SLC22A31: variants seen among roughly 807,000 people sequenced by gnomAD.
SLC22A31 encodes the protein putative solute carrier family 22 member 31.
Under a neutral mutation model 27.4 loss-of-function variants are expected in SLC22A31, and 42 were observed. That is an observed-to-expected ratio of 1.53 (90% confidence interval 1.20 to 1.98). SLC22A31 has a LOEUF of 1.98. SLC22A31 is among the 30% of genes most tolerant of loss of function. The pLI is 0.00. For synonymous variants in SLC22A31, 290 were observed against 230.8 expected, an observed-to-expected ratio of 1.26 and a Z score of -2.33; for missense variants, 593 against 479.9, an observed-to-expected ratio of 1.24 and a Z score of -2.20.
In SLC22A31 at chr16:89,198,822, C is replaced by T. The variant is rs751372423; in HGVS notation, c.453-25G>A. 1.7e-4 allele frequency: 256 copies of T among 1,518,154 alleles called. 2 individuals are homozygous for T. Among genetic ancestry groups the T allele is most frequent in the Non-Finnish European group, 2.1e-4 (236 of 1,133,756 alleles). 94.0% of individuals were successfully genotyped at this position (1,518,154 alleles called of 1,614,324 possible). A position where few individuals can be genotyped will look rare whatever the true frequency, so the allele number is the denominator to read the frequency against. On this transcript the variant is annotated intron_variant, in intron 4 of 8. Transcript: ENST00000682282. Reference sequence around the variant, plus strand: ...CCTGCAGCGTTGGTGAGGATGCCCACGGCTCCCTCCACCTCCTCCTGGAAG... The same window carrying T: ...CCTGCAGCGTTGGTGAGGATGCCCATGGCTCCCTCCACCTCCTCCTGGAAG...
At chr16:89,201,174 G>A, upstream of SLC22A31, 1 of 378,096 alleles carries the variant, frequency 2.6e-6, no homozygotes, top group African/African-American at 2.1e-5. Flanking sequence ...CCGGGTCAGA[G>A]GCGCCAGGTA....
In SLC22A31 at chr16:89,196,008, C is replaced by T; in HGVS notation, c.1332G>A (p.Glu444=). The T allele has an allele frequency of 6.6e-7, 1 of 1,508,544 alleles. No homozygotes were observed. Among genetic ancestry groups the T allele is most frequent in the Non-Finnish European group, 8.8e-7 (1 of 1,133,490 alleles). 93.4% of individuals were successfully genotyped at this position (1,508,544 alleles called of 1,614,324 possible). A position where few individuals can be genotyped will look rare whatever the true frequency, so the allele number is the denominator to read the frequency against. Reference sequence around the variant, plus strand: ...GGGCCACCAGGCAGGACTAGTGCTGCTCGGGGGTGTGGCCGGCCCAGTAGG... The same window carrying T: ...GGGCCACCAGGCAGGACTAGTGCTGTTCGGGGGTGTGGCCGGCCCAGTAGG... ...SNSYWAGHTP[E]QH is the part of the protein sequence containing the mutation. The change falls in exon 9 of 9, where the codon GAG becomes GAA. Residue 444 remains glutamate (E), a synonymous_variant. Coordinates refer to ENST00000682282, the MANE Select transcript of SLC22A31 (RefSeq NM_001384763.1).
chr16:89,197,320 C>T lies in SLC22A31; in HGVS notation c.1012G>A (p.Glu338Lys), dbSNP rs757216093. The T allele has an allele frequency of 1.7e-4, 265 of 1,535,750 alleles. 2 individuals are homozygous for T. The highest frequency in any genetic ancestry group is 8.8e-4 in the Admixed American group (45 of 50,986). ...VSALSSLFAA[E>K]VFPTVIRGAG... ...CACCTGATCACCGTGGGGAAGACCT[C>T]GGCCGCGAAGAGGCTGCTGAGTGCG... The change falls in exon 8 of 9, where the codon GAG becomes AAG. Residue 338 changes from glutamate (E) to lysine (K), a missense_variant. Coordinates refer to ENST00000682282, the MANE Select transcript of SLC22A31 (RefSeq NM_001384763.1).
intron 8 of SLC22A31, among the ~76,000 whole-genome samples, chr16:89,196,936 C>G (rs549301664): frequency 6.7e-6 from 1 of 148,194 alleles, no homozygotes; most frequent in African/African-American, 2.5e-5. Flanking sequence ...CAGAGCGAGA[C>G]TCCATCTCAA....
At chr16:89,198,940 C>T (rs1007815202) in intron 4 of SLC22A31, 83 bp downstream of exon 4, 6 of 1,496,322 alleles carry the variant, frequency 4.0e-6, no homozygotes, top group Non-Finnish European at 5.4e-6. Flanking sequence ...ATGCGTTTAC[C>T]TGGCATGGGA....
intron 1 of SLC22A31, chr16:89,200,211 G>A (rs759476683): frequency 5.3e-5 from 9 of 168,570 alleles, no homozygotes; most frequent in Non-Finnish European, 8.8e-5. Flanking sequence ...CACCCCAGCC[G>A]GCCAAGGGTC....
chr16:89,198,510 G>A lies in SLC22A31; in HGVS notation c.639C>T (p.Tyr213=). The A allele has an allele frequency of 6.6e-7, 1 of 1,514,350 alleles. No individual in the cohort carries two copies. Among genetic ancestry groups the A allele is most frequent in the Non-Finnish European group, 8.8e-7 (1 of 1,134,448 alleles). 93.8% of individuals were successfully genotyped at this position (1,514,350 alleles called of 1,614,324 possible). The change falls in exon 6 of 9, where the codon TAC becomes TAT. Residue 213 remains tyrosine (Y), a synonymous_variant. Coordinates refer to ENST00000682282, the MANE Select transcript of SLC22A31 (RefSeq NM_001384763.1). ...MLSARSPQPR[Y]HSPLGLLRTR... is the part of the protein sequence containing the mutation. ...TACGCAGAAGCCCCAGTGGGGAGTG[G>A]TACCGGGGCTGGGGGCTCCGTGCAG... is the stretch of plus-strand genomic sequence containing the variant.
chr16:89,196,833 C>T lies in SLC22A31; in HGVS notation c.1034+465G>A, dbSNP rs551335081. 3.1e-4 allele frequency among the ~76,000 whole-genome samples: 47 copies of T among 151,932 alleles called. 1 individual carries two copies. The highest frequency in any genetic ancestry group is 1.1e-3 in the African/African-American group (46 of 41,434). Reference sequence around the variant, plus strand: ...TGGTGGTGGGTGCCTGTAATCCCAGCTACTCAGGAGGCTGAGGCAGGAGAA... The same window carrying T: ...TGGTGGTGGGTGCCTGTAATCCCAGTTACTCAGGAGGCTGAGGCAGGAGAA... On this transcript the variant is annotated intron_variant, in intron 8 of 8. Coordinates refer to ENST00000682282, the MANE Select transcript of SLC22A31 (RefSeq NM_001384763.1).
rs1293079544 is a variant in SLC22A31 at position 89,196,140 on chromosome 16, G to A, written c.1200C>T (p.Ser400=). 6.5e-7 allele frequency: 1 copy of A among 1,534,982 alleles called. No individual in the cohort carries two copies. The highest frequency in any genetic ancestry group is 2.4e-5 in the East Asian group (1 of 40,898). The change falls in exon 9 of 9, where the codon AGC becomes AGT. Residue 400 remains serine, a synonymous_variant. Coordinates refer to ENST00000682282, the MANE Select transcript of SLC22A31 (RefSeq NM_001384763.1). The part of the protein sequence containing the change: ...LCVLLLPESR[S]RGLPQSLQDA... ...CCTGCAGTGACTGGGGCAGCCCCCG[G>A]CTTCGGCTCTCAGGCAGCAGCAGGA...
At position 89,199,131 on chromosome 16, in the gene SLC22A31, G is replaced by A. The variant is rs556056281; in HGVS notation, c.344C>T (p.Ser115Leu). 6.5e-6 allele frequency: 10 copies of A among 1,535,332 alleles called. No individual in the cohort carries two copies. In the Admixed American group the frequency reaches 7.9e-5, roughly 12 times the overall value. The stretch of plus-strand genomic sequence containing the variant: ...GGGCAGCAGCAGGGTGCCCACCACC[G>A]AGAAAAGGCCAGCCCCCATGGAGAA... Reference protein sequence around the residue: ...LAFSMGAGLFSVVGTLLLPGL... With the variant: ...LAFSMGAGLFLVVGTLLLPGL... The change falls in exon 4 of 9, where the codon TCG becomes TTG. Residue 115 changes from serine to leucine, a missense_variant. By Grantham distance (145) the Ser-to-Leu change is moderately radical. Coordinates refer to ENST00000682282, the MANE Select transcript of SLC22A31 (RefSeq NM_001384763.1).
At chr16:89,197,238 C>A in intron 8 of SLC22A31, 60 bp downstream of exon 8, 1 of 1,349,328 alleles carries the variant, frequency 7.4e-7, no homozygotes, top group South Asian at 1.3e-5. Context: ...TCCACCTGGC[C>A]CCTCCTCCCC....
chr16:89,196,512 T>A, intron 8 of SLC22A31: 2 of 872,390 alleles, frequency 2.3e-6, no homozygotes, highest in Non-Finnish European at 3.4e-6. Flanking sequence ...GGCAACAGAT[T>A]GGGGGACACA....
chr16:89,198,268 A>T lies in SLC22A31; in HGVS notation c.776T>A (p.Leu259Gln). The T allele has an allele frequency of 6.5e-7, 1 of 1,535,942 alleles. No individual in the cohort carries two copies. The highest frequency in any genetic ancestry group is 8.7e-7 in the Non-Finnish European group (1 of 1,146,896). The change falls in exon 7 of 9, where the codon CTG becomes CAG. Residue 259 changes from leucine to glutamine, a missense_variant. By Grantham distance (113) the Leu-to-Gln change is moderately radical. Coordinates refer to ENST00000682282, the MANE Select transcript of SLC22A31 (RefSeq NM_001384763.1). ...SLAPQVPTFY[L>Q]PYFLEAGLEA... The stretch of plus-strand genomic sequence containing the variant: ...CAGGCCGGCCTCCAGGAAGTAGGGC[A>T]GGTAGAAGGTCGGCACCTGAGGTGC...
rs1458564389 is a variant in SLC22A31, at chr16:89,198,654, G to A, written c.596C>T (p.Thr199Ile). 6.5e-7 allele frequency: 1 copy of A among 1,535,328 alleles called. No homozygotes were observed. Among genetic ancestry groups the A allele is most frequent in the Non-Finnish European group, 8.7e-7 (1 of 1,146,566 alleles). Reference protein sequence around the residue: ...DSSLEENSLATELTMLSARSP... With the variant: ...DSSLEENSLAIELTMLSARSP... ...CTCCTCCCTGGTAGGCGCCTGACCT[G>A]TAGCCAGGGAGTTCTCCTCCAAGGA... Residue 199 changes from threonine to isoleucine, a missense_variant and splice_region_variant, in exon 5 of 9, where the codon ACA (threonine) becomes ATA (isoleucine). Physicochemically the swap from Thr to Ile is moderately conservative, Grantham distance 89 (BLOSUM62 -1). Coordinates refer to ENST00000682282, the MANE Select transcript of SLC22A31 (RefSeq NM_001384763.1).
Position 89,196,100 on chromosome 16 carries a change from G to A in SLC22A31, c.1240C>T (p.Arg414Cys), listed in dbSNP as rs983105298. 23 of 1,533,792 alleles carry A rather than the reference G, an allele frequency of 1.5e-5. No individual in the cohort carries two copies. Among genetic ancestry groups the A allele is most frequent in the Admixed American group, 3.9e-5 (2 of 50,966 alleles). Reference sequence around the variant, plus strand: ...CGGCCCCGCAGGAGTGGGGAGCGGCGCAGGCGGTCGGCGTCCTGCAGTGAC... The same window carrying A: ...CGGCCCCGCAGGAGTGGGGAGCGGCACAGGCGGTCGGCGTCCTGCAGTGAC... ...PQSLQDADRL[R>C]RSPLLRGRPR... Residue 414 changes from arginine to cysteine, a missense_variant, in exon 9 of 9, where the codon CGC becomes TGC. Physicochemically the swap from Arg to Cys is radical, Grantham distance 180 (BLOSUM62 -3). Transcript: ENST00000682282.
upstream of SLC22A31, chr16:89,201,252 G>A (rs1036128792): frequency 1.4e-5 from 5 of 366,294 alleles, no homozygotes; most frequent in Non-Finnish European, 1.9e-5. Context: ...CAGCAGGGAC[G>A]GGGGCGCACC....
At position 89,199,205 on chromosome 16, in the gene SLC22A31, G is replaced by A. The variant is rs1916306301; in HGVS notation, c.284-14C>T. On this transcript the variant is annotated splice_polypyrimidine_tract_variant and intron_variant, in intron 3 of 8. Transcript: ENST00000682282. ...ACAACTCCAGGCCTGGGCAGACACAGACAGGTTGAAGTGGAGGCCTCGGGG... is the reference window on the plus strand; with the variant it reads ...ACAACTCCAGGCCTGGGCAGACACAAACAGGTTGAAGTGGAGGCCTCGGGG... 9 of 1,518,954 alleles carry A rather than the reference G, an allele frequency of 5.9e-6. No homozygotes were observed. The highest frequency in any genetic ancestry group is 7.0e-6 in the Non-Finnish European group (8 of 1,138,286). The allele number at this position is 1,518,954 out of a possible 1,614,324, so 94.1% of individuals were successfully genotyped here. A position where few individuals can be genotyped will look rare whatever the true frequency, so the allele number is the denominator to read the frequency against.
In SLC22A31 at chr16:89,196,138, C is replaced by T. The variant is rs866130147; in HGVS notation, c.1202G>A (p.Arg401Gln). The T allele has an allele frequency of 2.1e-5, 32 of 1,534,810 alleles. No individual in the cohort carries two copies. The highest frequency in any genetic ancestry group is 1.5e-4 in the African/African-American group (11 of 73,002). The change falls in exon 9 of 9, where the codon CGG (arginine) becomes CAG (glutamine). Residue 401 changes from arginine (R) to glutamine (Q), a missense_variant. Arg to Gln is a conservative substitution (Grantham distance 43). Coordinates refer to ENST00000682282, the MANE Select transcript of SLC22A31 (RefSeq NM_001384763.1). ...GTCCTGCAGTGACTGGGGCAGCCCCCGGCTTCGGCTCTCAGGCAGCAGCAG... is the reference window on the plus strand; with the variant it reads ...GTCCTGCAGTGACTGGGGCAGCCCCTGGCTTCGGCTCTCAGGCAGCAGCAG... Reference protein sequence around the residue: ...CVLLLPESRSRGLPQSLQDAD... With the variant: ...CVLLLPESRSQGLPQSLQDAD...
At position 89,198,441 on chromosome 16, in the gene SLC22A31, C is replaced by T. The variant is rs574052408; in HGVS notation, c.707+1G>A. Reference sequence around the variant, plus strand: ...AGGACCCCAGCCCTTCCTCGACTCACGAGCTGAAGCCCAAGATAAGCCCGT... The same window carrying T: ...AGGACCCCAGCCCTTCCTCGACTCATGAGCTGAAGCCCAAGATAAGCCCGT... On this transcript the variant is annotated splice_donor_variant, in intron 6 of 8. Coordinates refer to ENST00000682282, the MANE Select transcript of SLC22A31 (RefSeq NM_001384763.1). LOFTEE classifies it high-confidence loss of function. 1.0e-4 allele frequency: 155 copies of T among 1,516,452 alleles called. No individual in the cohort carries two copies. Among genetic ancestry groups the T allele is most frequent in the Non-Finnish European group, 1.3e-4 (148 of 1,136,120 alleles). The allele number at this position is 1,516,452 out of a possible 1,614,324, so 93.9% of individuals were successfully genotyped here. A position where few individuals can be genotyped will look rare whatever the true frequency, so the allele number is the denominator to read the frequency against.
Sources: allele counts gnomAD v4.1 joint callset (sites outside exome capture counted in the v4.1 genomes callset), GRCh38; gene constraint gnomAD v4.1.1; transcripts MANE v1.5; gene names NCBI Gene and HGNC (gene_info 2026-07-23, HGNC 2026-07-21).